TYK2: variants seen among roughly 807,000 people sequenced by gnomAD.
TYK2 encodes tyrosine kinase 2, also known as non-receptor tyrosine-protein kinase TYK2.
Under a neutral mutation model 130.9 loss-of-function variants are expected in TYK2, and 65 were observed. That is an observed-to-expected ratio of 0.50 (90% CI 0.41 to 0.61). The LOEUF (loss-of-function observed/expected upper bound fraction) is 0.61. TYK2 is among the 20% of genes least tolerant of loss of function. TYK2 has a pLI of 0.00. For synonymous variants in TYK2, 647 were observed against 658.9 expected, an observed-to-expected ratio of 0.98 and a Z score of 0.28; for missense variants, 1,378 against 1,610.7, an observed-to-expected ratio of 0.86 and a Z score of 2.47.
rs752249209 is a variant in TYK2, at chr19:10,350,912, G to A, written c.3486C>T (p.Phe1162=). 9 of 1,614,082 alleles carry A rather than the reference G, an allele frequency of 5.6e-6. No homozygotes were observed. The highest frequency in any genetic ancestry group is 1.7e-5 in the Admixed American group (1 of 59,990). ...WETEASFRPT[F]ENLIPILKTV... is the part of the protein sequence containing the mutation. ...TCTTCAGAATGGGTATGAGGTTCTC[G>A]AAGGTTGGGCGAAAGGACGCCTCTG... The change falls in exon 25 of 25, where the codon TTC becomes TTT. Residue 1162 remains phenylalanine (F), a synonymous_variant. Coordinates refer to ENST00000525621, the MANE Select transcript of TYK2 (RefSeq NM_003331.5).
In TYK2 at chr19:10,364,715, G is replaced by C; in HGVS notation, c.1266C>G (p.Gly422=). 1 of 1,613,746 alleles carries C rather than the reference G, an allele frequency of 6.2e-7. No individual in the cohort carries two copies. The highest frequency in any genetic ancestry group is 1.1e-5 in the South Asian group (1 of 91,078). Residue 422 remains glycine (G), a synonymous_variant, in exon 9 of 25, where the codon GGC becomes GGG. Transcript: ENST00000525621. This position sits in a 1 kb window ranked among gnomAD's most constrained non-coding sequence, Gnocchi z 4.9. ...AALSFVSLVD[G]YFRLTADSSH... ...TGGAGTCGGCCGTCAGGCGGAAATA[G>C]CCGTCCACCAGCGACACGAAGGACA...
At chr19:10,379,335 T>TATAA (rs958864934) in intron 2 of TYK2, among the ~76,000 whole-genome samples, 57 of 150,302 alleles carry the variant, frequency 3.8e-4, no homozygotes, top group South Asian at 6.3e-4. Flanking sequence ...ACTCTAAAAA[T>TATAA]ATAAATAAAT....
In TYK2 at chr19:10,374,732, A is replaced by C. The variant is rs573572247; in HGVS notation, c.193+3482T>G. On this transcript the variant is annotated intron_variant, in intron 3 of 24. Coordinates refer to ENST00000525621, the MANE Select transcript of TYK2 (RefSeq NM_003331.5). ...ACCCCGTCTCTACTAAAAATACAAA[A>C]ATTAGCTGGGCGTGGTGGCAGGCGC... Among the ~76,000 whole-genome samples the C allele has an allele frequency of 6.5e-4, 97 of 149,922 alleles. 1 individual carries two copies. The South Asian group carries it at 0.02, about 31-fold the overall frequency.
intron 16 of TYK2, 23 bp downstream of exon 16, chr19:10,357,979 GC>G (rs767289330): frequency 1.2e-6 from 2 of 1,613,470 alleles, no homozygotes; most frequent in Non-Finnish European, 1.7e-6. Flanking sequence ...CCCCCACTGT[GC>G]CCAGGTCCCC....
At chr19:10,373,680 G>T (rs12720230) in intron 3 of TYK2, among the ~76,000 whole-genome samples, 4,059 of 152,128 alleles carry the variant, frequency 0.027, 174 homozygotes, top group African/African-American at 0.092. Context: ...AAAAATAAAA[G>T]AACTAGTCAG....
Position 10,378,343 on chromosome 19 carries a change from TG to T in TYK2, c.63del (p.Met22TrpfsTer7). On this transcript the variant is annotated frameshift_variant, in exon 3 of 25. Transcript: ENST00000525621. LOFTEE classifies it high-confidence loss of function. ...GSKPVGDGAQPMAAMGGLKVL... is the reference protein window; with the variant it reads ...GSKPVGDGAQXMAAMGGLKVL... ...ACCTTCAGGCCTCCCATGGCAGCCA[TG>T]GGCTGGGCTCCATCCCCAACGGGCT... 6.2e-7 allele frequency: 1 copy of T among 1,612,664 alleles called. No individual in the cohort carries two copies. The highest frequency in any genetic ancestry group is 8.5e-7 in the Non-Finnish European group (1 of 1,179,910).
At chr19:10,357,940 T>C (rs2041184658) in intron 16 of TYK2, 22 bp from the exon 17 acceptor site, 1 of 1,613,076 alleles carries the variant, frequency 6.2e-7, no homozygotes, top group African/African-American at 1.3e-5. Context: ...AGGTCAGAGG[T>C]CACCAAGGGT....
intron 5 of TYK2, among the ~76,000 whole-genome samples, chr19:10,367,148 A>G (rs939122146): frequency 1.3e-5 from 2 of 152,140 alleles, no homozygotes; most frequent in Non-Finnish European, 2.9e-5. Context: ...TGCAGTCCGC[A>G]GGCCAGGGGT....
Position 10,353,090 on chromosome 19 carries a change from G to C in TYK2, c.3036C>G (p.Ala1012=). The C allele has an allele frequency of 6.5e-7, 1 of 1,538,932 alleles. No homozygotes were observed. The highest frequency in any genetic ancestry group is 8.8e-7 in the Non-Finnish European group (1 of 1,139,020). ...GGATGTAGTGCTGCGCGTGCAGATAGGCCATGCCCTGGGGACGGGGCAGGG... is the reference window on the plus strand; with the variant it reads ...GGATGTAGTGCTGCGCGTGCAGATACGCCATGCCCTGGGGACGGGGCAGGG... ...LFAQQICEGM[A]YLHAQHYIHR... is the part of the protein sequence containing the mutation. The change falls in exon 22 of 25, where the codon GCC becomes GCG. Residue 1012 remains alanine, a synonymous_variant. Transcript: ENST00000525621. The surrounding 1 kb of genome is among the most constrained non-coding windows in gnomAD (Gnocchi z 6.9).
rs2041402385 is a variant in TYK2, at chr19:10,361,545, G to A, written c.2013C>T (p.Ala671=). Residue 671 remains alanine, a synonymous_variant, in exon 14 of 25, where the codon GCC becomes GCT. Transcript: ENST00000525621. The surrounding 1 kb of genome is among the most constrained non-coding windows in gnomAD (Gnocchi z 4.0). ...LMSQVSHTHL[A]FVHGVCVRGP... ...CGCGCACACAGACGCCATGCACGAA[G>A]GCCAGGTGCGTGTGGGAGACCTGGC... 6.5e-7 allele frequency: 1 copy of A among 1,547,656 alleles called. No homozygotes were observed.
chr19:10,377,946 GTGGATGGGTGAA>G (rs1310262432), intron 3 of TYK2, among the ~76,000 whole-genome samples: 1 of 111,818 alleles, frequency 8.9e-6, no homozygotes, highest in Non-Finnish European at 1.8e-5. Context: ...GAAAGGGTGG[GTGGATGGGTGAA>G]TGGGTGGGTG....
At position 10,361,974 on chromosome 19, in the gene TYK2, C is replaced by T. The variant is rs1396049382; in HGVS notation, c.1774-19G>A. 1 of 1,614,008 alleles carries T rather than the reference C, an allele frequency of 6.2e-7. No homozygotes were observed. The highest frequency in any genetic ancestry group is 1.1e-5 in the South Asian group (1 of 91,084). The stretch of plus-strand genomic sequence containing the variant: ...GGGACAGCTGCGGGATCATGTGGCA[C>T]AGAATACCGCCATGGTGAAAGTTAG... On this transcript the variant is annotated intron_variant, in intron 12 of 24. Transcript: ENST00000525621. The surrounding 1 kb of genome is among the most constrained non-coding windows in gnomAD (Gnocchi z 4.0).
intron 3 of TYK2, among the ~76,000 whole-genome samples, chr19:10,371,716 G>T (rs188462499): frequency 1.3e-5 from 2 of 152,048 alleles, no homozygotes; most frequent in African/African-American, 4.8e-5. Flanking sequence ...TTCAGGCTAC[G>T]AGAGGTTATA....
In TYK2 at chr19:10,357,938, G is replaced by A. The variant is rs756365195; in HGVS notation, c.2312-20C>T. ...CCCGCTCTGGGAGGCCAAGGTCAGA[G>A]GTCACCAAGGGTGAAAGGAGCAGGG... On this transcript the variant is annotated intron_variant, in intron 16 of 24. Transcript: ENST00000525621. The A allele has an allele frequency of 1.2e-6, 2 of 1,613,410 alleles. No individual in the cohort carries two copies. Among genetic ancestry groups the A allele is most frequent in the Non-Finnish European group, 1.7e-6 (2 of 1,180,044 alleles).
chr19:10,368,943 G>A (rs2041797304), intron 3 of TYK2, among the ~76,000 whole-genome samples: 1 of 151,910 alleles, frequency 6.6e-6, no homozygotes, highest in Admixed American at 6.6e-5. Flanking sequence ...TGAGTTGCTG[G>A]GATTACAGGT....
Position 10,365,918 on chromosome 19 carries a change from G to A in TYK2, c.630-20C>T, listed in dbSNP as rs2041643223. 2.5e-6 allele frequency: 4 copies of A among 1,591,886 alleles called. No homozygotes were observed. The highest frequency in any genetic ancestry group is 3.4e-6 in the Non-Finnish European group (4 of 1,168,878). The stretch of plus-strand genomic sequence containing the variant: ...TTGAAGCTGGGGGGAAACACAGTGA[G>A]GGGCTGGTCAGGGACCTGGGTTGCA... On this transcript the variant is annotated intron_variant, in intron 6 of 24. Transcript: ENST00000525621.
At chr19:10,354,350 G>C in intron 19 of TYK2, 116 bp from the exon 20 acceptor site, 1 of 1,384,204 alleles carries the variant, frequency 7.2e-7, no homozygotes, top group Non-Finnish European at 1.0e-6. Context: ...CCCAGGCCCC[G>C]CCTACTCCGC....
chr19:10,355,002 A>T (rs1269760188), intron 18 of TYK2, among the ~76,000 whole-genome samples: 1 of 150,676 alleles, frequency 6.6e-6, no homozygotes, highest in Non-Finnish European at 1.5e-5. Context: ...GGCTGCAGTG[A>T]GTCTGGGCCA....
intron 2 of TYK2, among the ~76,000 whole-genome samples, chr19:10,378,865 A>G (rs984789706): frequency 1.3e-5 from 2 of 151,178 alleles, no homozygotes; most frequent in Middle Eastern, 3.2e-3. Context: ...ATCTTATCTT[A>G]TCTTATCTTA....
Sources: allele counts gnomAD v4.1 joint callset (sites outside exome capture counted in the v4.1 genomes callset), GRCh38; gene constraint gnomAD v4.1.1; non-coding constraint Gnocchi (gnomAD v3.1); transcripts MANE v1.5; gene names NCBI Gene and HGNC (gene_info 2026-07-23, HGNC 2026-07-21).